Variants in GRID1 observed in about 807,000 individuals in gnomAD.
The protein encoded by GRID1 is glutamate ionotropic receptor delta type subunit 1.
Under a neutral mutation model 98.0 loss-of-function variants are expected in GRID1, and 28 were observed. That is an observed-to-expected ratio of 0.29 (90% CI 0.21 to 0.39). The LOEUF is 0.39. GRID1 is among the 10% of genes least tolerant of loss of function. The pLI is 1.00. For missense variants in GRID1, 1,111 were observed against 1,340.5 expected (o/e 0.83, Z 2.67); for synonymous variants, 553 against 538.5 (o/e 1.03, Z -0.37).
intron 4 of GRID1, among the ~76,000 whole-genome samples, chr10:85,979,218 C>A (rs968925053): frequency 2.0e-5 from 3 of 152,172 alleles, no homozygotes; most frequent in Non-Finnish European, 4.4e-5. Flanking sequence ...CAGTGCCCAT[C>A]AGCATCATCT....
At chr10:86,259,026 T>C (rs1187849445) in intron 2 of GRID1, among the ~76,000 whole-genome samples, 1 of 152,228 alleles carries the variant, frequency 6.6e-6, no homozygotes, top group Non-Finnish European at 1.5e-5. Context: ...AACTGAACAA[T>C]GCTTAAATTT....
In GRID1 at chr10:85,601,706, C is replaced by T. The variant is rs548731029; in HGVS notation, c.*567G>A. ...TAGCCCTGAGTCCAGGGCACCTCCT[C>T]AGCCCCAGGCTACCCAGAACAGCCG... is the stretch of plus-strand genomic sequence containing the variant. On this transcript the variant is annotated 3_prime_UTR_variant, in exon 16 of 16. Coordinates refer to ENST00000327946, the MANE Select transcript of GRID1 (RefSeq NM_017551.3). 2.6e-5 allele frequency: 4 copies of T among 153,368 alleles called. No homozygotes were observed. In the East Asian group the frequency reaches 7.7e-4, roughly 30 times the overall value. 9.5% of individuals were successfully genotyped at this position (153,368 alleles called of 1,614,324 possible). A position where few individuals can be genotyped will look rare whatever the true frequency, so the allele number is the denominator to read the frequency against.
At chr10:86,197,115 T>C (rs544553570) in intron 3 of GRID1, among the ~76,000 whole-genome samples, 3 of 151,824 alleles carry the variant, frequency 2.0e-5, no homozygotes, top group Non-Finnish European at 4.4e-5. Flanking sequence ...TAAATGGGAA[T>C]AAATTCAATG....
intron 12 of GRID1, among the ~76,000 whole-genome samples, chr10:85,648,261 A>C (rs1022795683): frequency 1.3e-5 from 2 of 151,682 alleles, no homozygotes; most frequent in Non-Finnish European, 2.9e-5. Flanking sequence ...AGAGGAGGAG[A>C]CTCCTCTGGG....
intron 4 of GRID1, among the ~76,000 whole-genome samples, chr10:86,062,521 A>G (rs1208157858): frequency 6.6e-6 from 1 of 152,066 alleles, no homozygotes; most frequent in Non-Finnish European, 1.5e-5. Context: ...AAAGACTTGT[A>G]CCAGAACCCT....
At chr10:86,083,772 T>A (rs1484032771) in intron 4 of GRID1, among the ~76,000 whole-genome samples, 3 of 152,200 alleles carry the variant, frequency 2.0e-5, no homozygotes, top group Admixed American at 6.5e-5. Context: ...GCCAATGACC[T>A]CCACTCAGCA....
chr10:86,302,519 T>C (rs1847704096), intron 2 of GRID1, among the ~76,000 whole-genome samples: 2 of 152,176 alleles, frequency 1.3e-5, no homozygotes, highest in Admixed American at 6.5e-5. Flanking sequence ...TGAATCGCAG[T>C]GAAAGGTTTG....
At chr10:85,878,339 T>A (rs1220484949) in intron 5 of GRID1, among the ~76,000 whole-genome samples, 3 of 151,726 alleles carry the variant, frequency 2.0e-5, no homozygotes, top group Non-Finnish European at 1.5e-5. Flanking sequence ...AAAGTTGAAA[T>A]GAAGGAAAAA....
intron 4 of GRID1, among the ~76,000 whole-genome samples, chr10:86,074,918 G>T (rs1041282075): frequency 2.0e-5 from 3 of 152,188 alleles, no homozygotes; most frequent in Non-Finnish European, 4.4e-5. Flanking sequence ...TATTGTAGTT[G>T]CTGAATGAAT....
chr10:86,022,400 T>C (rs77000687), intron 4 of GRID1, among the ~76,000 whole-genome samples: 3,341 of 152,226 alleles, frequency 0.022, 101 homozygotes, highest in African/African-American at 0.067. Context: ...CTGTGTCTGG[T>C]GGCTCCTGCG....
chr10:86,287,174 G>A (rs528342510), intron 2 of GRID1, among the ~76,000 whole-genome samples: 1 of 152,342 alleles, frequency 6.6e-6, no homozygotes, highest in South Asian at 2.1e-4. Context: ...GGAAGGAGCT[G>A]CAGGTGAGGC....
chr10:85,860,470 A>G (rs1025677057), intron 6 of GRID1, among the ~76,000 whole-genome samples: 9 of 152,236 alleles, frequency 5.9e-5, no homozygotes, highest in African/African-American at 1.9e-4. Context: ...AGTCAAGGCC[A>G]GACAGAAGCC....
chr10:85,634,294 C>CTCTT (rs1564684024), intron 13 of GRID1, among the ~76,000 whole-genome samples: 30 of 116,816 alleles, frequency 2.6e-4, no homozygotes, highest in African/African-American at 1.1e-3. Context: ...CTCTCTCTCA[C>CTCTT]ACACACACAC....
chr10:86,362,388 C>T (rs1589463368), intron 2 of GRID1, among the ~76,000 whole-genome samples: 1 of 152,140 alleles, frequency 6.6e-6, no homozygotes, highest in African/African-American at 2.4e-5. Flanking sequence ...GAGATAGAGA[C>T]TGCTGGTGGG....
At chr10:85,650,852 T>A (rs1462476476) in intron 12 of GRID1, among the ~76,000 whole-genome samples, 1 of 152,214 alleles carries the variant, frequency 6.6e-6, no homozygotes, top group Non-Finnish European at 1.5e-5. Context: ...GCAATTCACA[T>A]CAGCCAAAAA....
chr10:85,608,737 G>A (rs1210607533), intron 15 of GRID1, among the ~76,000 whole-genome samples: 1 of 152,166 alleles, frequency 6.6e-6, no homozygotes, highest in Non-Finnish European at 1.5e-5. Context: ...TACCCAGCAA[G>A]GGGGGCTGCT....
intron 2 of GRID1, among the ~76,000 whole-genome samples, chr10:86,243,628 A>C (rs1472725861): frequency 1.3e-5 from 2 of 152,118 alleles, no homozygotes; most frequent in African/African-American, 4.8e-5. Context: ...AAGAGTGTCA[A>C]TTCTATCATC....
At chr10:86,000,934 T>A (rs1316834472) in intron 4 of GRID1, among the ~76,000 whole-genome samples, 1 of 61,916 alleles carries the variant, frequency 1.6e-5, no homozygotes, top group African/African-American at 5.5e-5. Context: ...TACCAAAAAC[T>A]AGAAACAACC....
intron 2 of GRID1, among the ~76,000 whole-genome samples, chr10:86,238,467 C>G (rs893119830): frequency 6.6e-6 from 1 of 152,130 alleles, no homozygotes; most frequent in South Asian, 2.1e-4. Context: ...TGAGACCATC[C>G]TGCCCCCCGT....
Sources: gnomAD v4.1 joint callset for allele counts (sites outside exome capture counted in the v4.1 genomes callset) on GRCh38, gnomAD v4.1.1 for gene constraint, MANE v1.5 for transcripts, NCBI Gene and HGNC (gene_info 2026-07-23, HGNC 2026-07-21) for gene names.